The following TOPAZ1 variants were observed in gnomAD, a reference collection of about 807,000 sequenced individuals.
TOPAZ1 encodes testis and ovary specific TOPAZ 1, also known as protein TOPAZ1.
TOPAZ1 carries 66 observed loss-of-function variants against 172.2 expected under a neutral mutation model. That is an observed-to-expected ratio of 0.38 (90% CI 0.31 to 0.47). The LOEUF is 0.47. Among genes scored for constraint, TOPAZ1 ranks in the 20% least tolerant of loss-of-function variants. The pLI is 0.99. For missense variants in TOPAZ1, 1,822 were observed against 1,972.4 expected, an observed-to-expected ratio of 0.92 and a Z score of 1.44; for synonymous variants, 681 against 683.9, an observed-to-expected ratio of 1.00 and a Z score of 0.07.
chr3:44,257,550 A>G (rs1699729341), intron 4 of TOPAZ1, among the ~76,000 whole-genome samples: 1 of 147,778 alleles, frequency 6.8e-6, no homozygotes, highest in South Asian at 2.1e-4. Context: ...TCTCCTGTGT[A>G]TCACTTGTCA....
chr3:44,270,777 G>A lies in TOPAZ1; in HGVS notation c.3339G>A (p.Lys1113=). 1 of 1,550,466 alleles carries A rather than the reference G, an allele frequency of 6.4e-7. No homozygotes were observed. The highest frequency in any genetic ancestry group is 1.4e-5 in the African/African-American group (1 of 73,092). ...TLRGCERPLC[K]FAHVPEQGDE... Reference sequence around the variant, plus strand: ...GTGGCTGTGAGCGACCACTGTGCAAGTTTGCTCATGTGCCTGAACAAGGGG... The same window carrying A: ...GTGGCTGTGAGCGACCACTGTGCAAATTTGCTCATGTGCCTGAACAAGGGG... Residue 1113 remains lysine, a synonymous_variant, in exon 8 of 20, where the codon AAG becomes AAA. Coordinates refer to ENST00000309765, the MANE Select transcript of TOPAZ1 (RefSeq NM_001145030.2).
chr3:44,295,059 T>G (rs539282477), intron 12 of TOPAZ1, among the ~76,000 whole-genome samples: 3 of 152,328 alleles, frequency 2.0e-5, no homozygotes, highest in African/African-American at 4.8e-5. Flanking sequence ...TTTACCTTTT[T>G]CTATATTCCT....
Position 44,243,070 on chromosome 3 carries a change from T to C in TOPAZ1, c.564T>C (p.Asn188=). 6.5e-7 allele frequency: 1 copy of C among 1,545,452 alleles called. No individual in the cohort carries two copies. The highest frequency in any genetic ancestry group is 8.7e-7 in the Non-Finnish European group (1 of 1,145,504). Residue 188 remains asparagine (N), a synonymous_variant, in exon 2 of 20, where the codon AAT becomes AAC. Transcript: ENST00000309765. ...ACCCACCTCTCAAAATAACCGAAAA[T>C]GAGGCTACACAAAATATTAAGGTTG... ...LENPPLKITE[N]EATQNIKVEF...
Position 44,262,426 on chromosome 3 carries a change from T to A in TOPAZ1, c.2963T>A (p.Phe988Tyr). 6.7e-7 allele frequency: 1 copy of A among 1,483,530 alleles called. No individual in the cohort carries two copies. The highest frequency in any genetic ancestry group is 2.5e-5 in the East Asian group (1 of 40,128). The allele number at this position is 1,483,530 out of a possible 1,614,324, so 91.9% of individuals were successfully genotyped here. Residue 988 changes from phenylalanine to tyrosine, a missense_variant, in exon 5 of 20, where the codon TTT (phenylalanine) becomes TAT (tyrosine). This residue lies in a region of TOPAZ1 where 1,489 missense variants were observed against 1,490.8 expected (regional missense o/e 1.00). Coordinates refer to ENST00000309765, the MANE Select transcript of TOPAZ1 (RefSeq NM_001145030.2). ...ACCATAATCTCTTCACAGCATAGAT[T>A]TACAGACAAAGTGATTACCAAAGAA... ...KGSDLDEKHR[F>Y]TDKVITKEEK...
chr3:44,272,946 T>A (rs548608867), intron 8 of TOPAZ1, among the ~76,000 whole-genome samples: 2 of 152,216 alleles, frequency 1.3e-5, no homozygotes, highest in Non-Finnish European at 1.5e-5. Flanking sequence ...TAACCCCTTA[T>A]CAAATGTATG....
intron 2 of TOPAZ1, among the ~76,000 whole-genome samples, chr3:44,250,277 A>T (rs2125678012): frequency 6.6e-6 from 1 of 151,742 alleles, no homozygotes; most frequent in South Asian, 2.1e-4. Context: ...TTCCACCAAA[A>T]ATAAAAATCA....
At chr3:44,259,416 C>T (rs148372398) in intron 4 of TOPAZ1, among the ~76,000 whole-genome samples, 47 of 152,278 alleles carry the variant, frequency 3.1e-4, no homozygotes, top group African/African-American at 9.9e-4. Context: ...CAGATGGTAG[C>T]GTACTGTTCT....
rs921626763 is a variant in TOPAZ1 at position 44,256,227 on chromosome 3, A to T, written c.2904A>T (p.Glu968Asp). Residue 968 changes from glutamate (E) to aspartate (D), a missense_variant, in exon 4 of 20, where the codon GAA becomes GAT. Glu to Asp is a conservative substitution (Grantham distance 45). This residue lies in a region of TOPAZ1 where 1,489 missense variants were observed against 1,490.8 expected (regional missense o/e 1.00). Coordinates refer to ENST00000309765, the MANE Select transcript of TOPAZ1 (RefSeq NM_001145030.2). The stretch of plus-strand genomic sequence containing the variant: ...TTGCTAATGAGACCTCTGAAAATGA[A>T]ACACTGGGAGACTTCAGTGAACAAA... Reference protein sequence around the residue: ...GEVANETSENETLGDFSEQIK... With the variant: ...GEVANETSENDTLGDFSEQIK... 2.0e-6 allele frequency: 3 copies of T among 1,537,976 alleles called. No homozygotes were observed. The African/African-American group carries it at 4.2e-5, about 21-fold the overall frequency.
intron 8 of TOPAZ1, among the ~76,000 whole-genome samples, chr3:44,272,853 G>A (rs756835228): frequency 2.0e-5 from 3 of 152,074 alleles, no homozygotes; most frequent in African/African-American, 4.8e-5. Context: ...GCCACTGCAC[G>A]CAGCCTCCGT....
intron 18 of TOPAZ1, among the ~76,000 whole-genome samples, chr3:44,325,132 A>G (rs748793818): frequency 9.9e-5 from 15 of 152,176 alleles, no homozygotes; most frequent in Non-Finnish European, 2.2e-4. Flanking sequence ...TTCTAACAAC[A>G]TTGACATTAA....
At chr3:44,294,929 A>G (rs1466452471) in intron 12 of TOPAZ1, among the ~76,000 whole-genome samples, 1 of 152,228 alleles carries the variant, frequency 6.6e-6, no homozygotes, top group Admixed American at 6.5e-5. Context: ...ATATGTGCCT[A>G]TAACTTAGGA....
chr3:44,260,433 T>G (rs115358140), intron 4 of TOPAZ1, among the ~76,000 whole-genome samples: 1,754 of 152,228 alleles, frequency 0.012, 39 homozygotes, highest in African/African-American at 0.04. Context: ...GTCAGTTTTC[T>G]TTTATAATAG....
At position 44,308,591 on chromosome 3, in the gene TOPAZ1, T is replaced by C. The variant is rs909601207; in HGVS notation, c.4141-1234T>C. Among the ~76,000 whole-genome samples, 8 of 152,080 alleles carry C rather than the reference T, an allele frequency of 5.3e-5. No homozygotes were observed. In the South Asian group the frequency reaches 8.3e-4, roughly 16 times the overall value. ...TGAATAGTGCCGCAATAAACATACATATGCATGTGTCTTTATAGACTGCAT... is the reference window on the plus strand; with the variant it reads ...TGAATAGTGCCGCAATAAACATACACATGCATGTGTCTTTATAGACTGCAT... On this transcript the variant is annotated intron_variant, in intron 15 of 19. Coordinates refer to ENST00000309765, the MANE Select transcript of TOPAZ1 (RefSeq NM_001145030.2).
intron 2 of TOPAZ1, among the ~76,000 whole-genome samples, chr3:44,254,212 C>G (rs1487911856): frequency 6.6e-6 from 1 of 152,204 alleles, no homozygotes; most frequent in Non-Finnish European, 1.5e-5. Context: ...TGGTCTAACT[C>G]TGTTCTACAT....
At chr3:44,330,801 G>A (rs1490276918) in intron 19 of TOPAZ1, among the ~76,000 whole-genome samples, 1 of 152,202 alleles carries the variant, frequency 6.6e-6, no homozygotes, top group African/African-American at 2.4e-5. Flanking sequence ...CCCTACCCCA[G>A]AGGAAAAAAC....
chr3:44,243,065 G>A lies in TOPAZ1; in HGVS notation c.559G>A (p.Glu187Lys), dbSNP rs1371718823. 4.2e-5 allele frequency: 65 copies of A among 1,544,910 alleles called. No homozygotes were observed. Among genetic ancestry groups the A allele is most frequent in the Non-Finnish European group, 5.3e-5 (61 of 1,145,416 alleles). The change falls in exon 2 of 20, where the codon GAA (glutamate) becomes AAA (lysine). Residue 187 changes from glutamate (E) to lysine (K), a missense_variant. Physicochemically the swap from Glu to Lys is moderately conservative, Grantham distance 56. Around this residue, in one of 2 missense-constraint regions of TOPAZ1, gnomAD observed 1,489 missense variants for 1,490.8 expected, o/e 1.00. Coordinates refer to ENST00000309765, the MANE Select transcript of TOPAZ1 (RefSeq NM_001145030.2). ...AGAAAACCCACCTCTCAAAATAACCGAAAATGAGGCTACACAAAATATTAA... is the reference window on the plus strand; with the variant it reads ...AGAAAACCCACCTCTCAAAATAACCAAAAATGAGGCTACACAAAATATTAA... ...SLENPPLKIT[E>K]NEATQNIKVE...
rs1022761707 is a variant in TOPAZ1, at chr3:44,243,209, T to C, written c.703T>C (p.Ser235Pro). The C allele has an allele frequency of 1.9e-6, 3 of 1,549,520 alleles. No homozygotes were observed. In the African/African-American group the frequency reaches 4.1e-5, roughly 21 times the overall value. The change falls in exon 2 of 20, where the codon TCC becomes CCC. Residue 235 changes from serine to proline, a missense_variant. Physicochemically the swap from Ser to Pro is moderately conservative, Grantham distance 74. Transcript: ENST00000309765. ...KLRDCNCFPH[S>P]KGCNDENNLP... ...ACGTGATTGCAATTGTTTCCCCCAT[T>C]CCAAGGGTTGTAATGATGAAAACAA...
chr3:44,294,764 C>A (rs567927113), intron 12 of TOPAZ1, among the ~76,000 whole-genome samples: 1 of 152,154 alleles, frequency 6.6e-6, no homozygotes, highest in East Asian at 1.9e-4. Context: ...CTTCAGCATC[C>A]CAAAATAGTC....
At chr3:44,282,695 TG>T (rs921516540) in intron 9 of TOPAZ1, among the ~76,000 whole-genome samples, 9 of 152,148 alleles carry the variant, frequency 5.9e-5, no homozygotes, top group Non-Finnish European at 4.4e-5. Flanking sequence ...TTTGTCACCC[TG>T]ACACAACCAC....
Sources: gnomAD v4.1 joint callset for allele counts (sites outside exome capture counted in the v4.1 genomes callset) on GRCh38, gnomAD v4.1.1 for gene constraint, gnomAD v4.1.1 regional missense constraint, MANE v1.5 for transcripts, NCBI Gene and HGNC (gene_info 2026-07-23, HGNC 2026-07-21) for gene names.